Variants in EMC2 observed in about 807,000 individuals in gnomAD.
EMC2 encodes the protein ER membrane protein complex subunit 2, also known as TPR repeat protein 35.
Under a neutral mutation model 51.6 loss-of-function variants are expected in EMC2, and 37 were observed. That is an observed-to-expected ratio of 0.72 (90% CI 0.55 to 0.94). EMC2 has a LOEUF of 0.94. Ranked by LOEUF, EMC2 falls within the 40% of genes least tolerant of loss-of-function variation. The pLI is 0.00. For missense variants in EMC2, 359 were observed against 350.9 expected (o/e 1.02, Z -0.18); for synonymous variants, 131 against 112.4 (o/e 1.17, Z -1.04).
Position 108,444,626 on chromosome 8 carries a change from T to G in EMC2, c.40+928T>G, listed in dbSNP as rs191089111. ...TGTGGACCGAAAGTTGTATTTTCTG[T>G]TTTATCGTGAATAAATATATCAGTT... On this transcript the variant is annotated intron_variant, in intron 1 of 10. Transcript: ENST00000220853. 8.5e-5 allele frequency among the ~76,000 whole-genome samples: 13 copies of G among 152,352 alleles called. No individual in the cohort carries two copies. In the East Asian group the frequency reaches 2.5e-3, roughly 29 times the overall value.
chr8:108,445,361 C>G (rs546190602), intron 1 of EMC2, among the ~76,000 whole-genome samples: 1 of 152,274 alleles, frequency 6.6e-6, no homozygotes, highest in East Asian at 1.9e-4. Flanking sequence ...AGCCCTTCTC[C>G]CTCTCACTTT....
chr8:108,482,876 C>T (rs1291308065), intron 10 of EMC2, among the ~76,000 whole-genome samples: 4 of 152,000 alleles, frequency 2.6e-5, no homozygotes, highest in African/African-American at 4.8e-5. Context: ...TGTGAGCCAC[C>T]GCATCTGGCC....
intron 1 of EMC2, among the ~76,000 whole-genome samples, chr8:108,444,232 C>G (rs567325933): frequency 6.6e-6 from 1 of 152,176 alleles, no homozygotes; most frequent in African/African-American, 2.4e-5. Context: ...TCCTTTTAGT[C>G]TAGTCTCTGT....
intron 10 of EMC2, among the ~76,000 whole-genome samples, chr8:108,486,099 T>A (rs932974512): frequency 2.6e-5 from 4 of 151,940 alleles, no homozygotes; most frequent in African/African-American, 9.6e-5. Flanking sequence ...GTACCTTTGT[T>A]TGAAATTGTA....
chr8:108,477,255 C>T (rs1159262153), intron 9 of EMC2, among the ~76,000 whole-genome samples: 1 of 151,920 alleles, frequency 6.6e-6, no homozygotes, highest in Non-Finnish European at 1.5e-5. Flanking sequence ...TATTTTTAAA[C>T]AGTGCCAATA....
intron 5 of EMC2, among the ~76,000 whole-genome samples, chr8:108,462,032 C>T (rs1418133958): frequency 6.6e-6 from 1 of 152,176 alleles, no homozygotes; most frequent in Non-Finnish European, 1.5e-5. Flanking sequence ...TGGTCTTGAT[C>T]TCTTGACCTT....
At position 108,443,682 on chromosome 8, in the gene EMC2, C is replaced by T. The variant is rs1427069303; in HGVS notation, c.24C>T (p.Tyr8=). MAKVSEL[Y]DVTWEEMRDK... is the part of the protein sequence containing the mutation. ...AGATGGCGAAGGTCTCAGAGCTTTA[C>T]GATGTCACTTGGGAAGGTAACTTCG... The change falls in exon 1 of 11, where the codon TAC becomes TAT. Residue 8 remains tyrosine, a synonymous_variant. Coordinates refer to ENST00000220853, the MANE Select transcript of EMC2 (RefSeq NM_014673.5). The T allele has an allele frequency of 4.4e-5, 71 of 1,609,920 alleles. No homozygotes were observed. Among genetic ancestry groups the T allele is most frequent in the Non-Finnish European group, 6.0e-5 (71 of 1,178,064 alleles).
chr8:108,443,755 G>A, intron 1 of EMC2, 57 bp downstream of exon 1: 1 of 1,483,954 alleles, frequency 6.7e-7, no homozygotes. Context: ...AGCCGTTCGG[G>A]AGTACCCGCT....
At chr8:108,462,354 C>T (rs190298098) in intron 5 of EMC2, among the ~76,000 whole-genome samples, 66 of 152,166 alleles carry the variant, frequency 4.3e-4, no homozygotes, top group African/African-American at 1.4e-3. Context: ...GATTGCATTG[C>T]GTGGATATAT....
At chr8:108,477,247 T>G (rs548839545) in intron 9 of EMC2, among the ~76,000 whole-genome samples, 18 of 152,136 alleles carry the variant, frequency 1.2e-4, no homozygotes, top group African/African-American at 4.3e-4. Flanking sequence ...GTATGAGGTA[T>G]TTTTAAACAG....
intron 5 of EMC2, among the ~76,000 whole-genome samples, chr8:108,466,116 A>G (rs942069478): frequency 6.6e-6 from 1 of 152,220 alleles, no homozygotes. Context: ...CTATAGGCAT[A>G]CAAGGTCATA....
At chr8:108,451,151 T>C (rs1418765314) in intron 3 of EMC2, among the ~76,000 whole-genome samples, 2 of 151,500 alleles carry the variant, frequency 1.3e-5, no homozygotes, top group Non-Finnish European at 2.9e-5. Context: ...TGCAGTGAGC[T>C]GAGATTGTGC....
At chr8:108,445,869 T>A (rs533926516) in intron 1 of EMC2, among the ~76,000 whole-genome samples, 87 of 152,326 alleles carry the variant, frequency 5.7e-4, no homozygotes, top group African/African-American at 2.0e-3. Context: ...CAGAAAAGAT[T>A]ATAAGCCATT....
At chr8:108,457,736 C>G (rs1008431209) in intron 5 of EMC2, among the ~76,000 whole-genome samples, 2 of 152,158 alleles carry the variant, frequency 1.3e-5, no homozygotes, top group Non-Finnish European at 2.9e-5. Flanking sequence ...AGTTACAATT[C>G]AAGATGAGAT....
chr8:108,479,018 A>G lies in EMC2; in HGVS notation c.715A>G (p.Ile239Val). 2 of 1,567,308 alleles carry G rather than the reference A, an allele frequency of 1.3e-6. No homozygotes were observed. Among genetic ancestry groups the G allele is most frequent in the Non-Finnish European group, 1.7e-6 (2 of 1,157,220 alleles). ...TATTTGTTTTTAGTCGGCAAGTCATATTGCTTCTAATCCAAAAGCAAGTGC... is the reference window on the plus strand; with the variant it reads ...TATTTGTTTTTAGTCGGCAAGTCATGTTGCTTCTAATCCAAAAGCAAGTGC... ...LFGLYMSASH[I>V]ASNPKASAKT... Residue 239 changes from isoleucine to valine, a missense_variant, in exon 10 of 11, where the codon ATT (isoleucine) becomes GTT (valine). By Grantham distance (29) the Ile-to-Val change is conservative. Transcript: ENST00000220853.
At chr8:108,456,343 A>C (rs1819156313) in intron 5 of EMC2, among the ~76,000 whole-genome samples, 1 of 145,732 alleles carries the variant, frequency 6.9e-6, no homozygotes, top group Non-Finnish European at 1.5e-5. Flanking sequence ...AAAAAAAAAA[A>C]AAAAGAAAAA....
intron 8 of EMC2, 131 bp from the exon 9 acceptor site, chr8:108,476,651 T>C (rs1810952364): frequency 2.0e-6 from 1 of 490,586 alleles, no homozygotes. Context: ...TTAGGTGAAT[T>C]CTTTTAACAT....
intron 5 of EMC2, among the ~76,000 whole-genome samples, chr8:108,468,829 T>C (rs927908607): frequency 9.8e-5 from 15 of 152,380 alleles, no homozygotes; most frequent in African/African-American, 3.6e-4. Context: ...TAATAATTTA[T>C]ACAGTATGCT....
intron 5 of EMC2, 85 bp downstream of exon 5, chr8:108,456,015 A>G (rs1819146236): frequency 2.2e-6 from 1 of 456,684 alleles, no homozygotes; most frequent in Non-Finnish European, 3.9e-6. Flanking sequence ...TACATAAGGA[A>G]CTAGGTCTTA....
Sources: gnomAD v4.1 joint callset for allele counts (sites outside exome capture counted in the v4.1 genomes callset) on GRCh38, gnomAD v4.1.1 for gene constraint, MANE v1.5 for transcripts, NCBI Gene and HGNC (gene_info 2026-07-23, HGNC 2026-07-21) for gene names.